BANK1: variants seen among roughly 807,000 people sequenced by gnomAD.
BANK1 encodes the protein B cell scaffold protein with ankyrin repeats 1.
In BANK1, 95 loss-of-function variants were observed where a neutral mutation model predicts 94.5. The observed-to-expected ratio is 1.00, with a 90% CI of 0.85 to 1.19. The LOEUF (loss-of-function observed/expected upper bound fraction) is 1.19, where lower values mean the gene tolerates loss of function less well. Ranked by LOEUF, BANK1 falls within the 50% of genes most tolerant of loss-of-function variation. The pLI, the probability that BANK1 is intolerant of heterozygous loss-of-function variation, is 0.00. For missense variants in BANK1, 987 were observed against 932.2 expected (o/e 1.06, Z -0.77); for synonymous variants, 334 against 308.4 (o/e 1.08, Z -0.87).
At chr4:101,927,671 GA>G in intron 7 of BANK1, among the ~76,000 whole-genome samples, 1 of 151,676 alleles carries the variant, frequency 6.6e-6, no homozygotes, top group Non-Finnish European at 1.5e-5. Context: ...GAATATAAAA[GA>G]AAGTGTGTAG....
chr4:101,852,447 A>C (rs1727513770), intron 2 of BANK1, among the ~76,000 whole-genome samples: 1 of 142,032 alleles, frequency 7.0e-6, no homozygotes, highest in Non-Finnish European at 1.5e-5. Flanking sequence ...ACAAGCCAGA[A>C]AGAACCACTC....
At chr4:101,998,815 T>A (rs1725965845) in intron 7 of BANK1, among the ~76,000 whole-genome samples, 2 of 152,188 alleles carry the variant, frequency 1.3e-5, no homozygotes, top group African/African-American at 4.8e-5. Flanking sequence ...GCTTTCACAA[T>A]GGTAAATAAA....
chr4:101,908,558 T>G (rs1055584616), intron 6 of BANK1, among the ~76,000 whole-genome samples: 1 of 151,876 alleles, frequency 6.6e-6, no homozygotes, highest in African/African-American at 2.4e-5. Context: ...TGACAAATGG[T>G]ATCTAATTAA....
intron 4 of BANK1, among the ~76,000 whole-genome samples, chr4:101,863,336 T>C (rs1274862580): frequency 6.6e-6 from 1 of 152,048 alleles, no homozygotes; most frequent in Non-Finnish European, 1.5e-5. Flanking sequence ...GTAAAACTGC[T>C]TGGTTTTTAC....
At chr4:102,002,884 C>T (rs1398188921) in intron 7 of BANK1, among the ~76,000 whole-genome samples, 1 of 152,186 alleles carries the variant, frequency 6.6e-6, no homozygotes, top group Non-Finnish European at 1.5e-5. Context: ...AAGTGATTCT[C>T]ATGTCCAGCT....
chr4:101,841,270 C>T (rs1261272245), intron 2 of BANK1, among the ~76,000 whole-genome samples: 1 of 152,064 alleles, frequency 6.6e-6, no homozygotes, highest in East Asian at 1.9e-4. Flanking sequence ...TACCCAGAGG[C>T]AGTCACTGTT....
At chr4:101,949,524 A>T (rs1724059223) in intron 7 of BANK1, among the ~76,000 whole-genome samples, 1 of 152,132 alleles carries the variant, frequency 6.6e-6, no homozygotes. Context: ...GGGCGCACTT[A>T]ATGAAATATT....
At chr4:101,820,594 T>C (rs1011298894) in intron 1 of BANK1, among the ~76,000 whole-genome samples, 7 of 152,160 alleles carry the variant, frequency 4.6e-5, no homozygotes, top group Non-Finnish European at 8.8e-5. Context: ...CAGTACCCAA[T>C]AGTTATCTTT....
At chr4:101,901,445 T>G (rs549108909) in intron 6 of BANK1, among the ~76,000 whole-genome samples, 4 of 152,326 alleles carry the variant, frequency 2.6e-5, no homozygotes, top group South Asian at 4.1e-4. Context: ...GTAGTGAACC[T>G]CAGTTTCATT....
At chr4:101,985,637 G>A (rs1426849608) in intron 7 of BANK1, among the ~76,000 whole-genome samples, 1 of 151,640 alleles carries the variant, frequency 6.6e-6, no homozygotes, top group African/African-American at 2.4e-5. Context: ...TTATACCTTG[G>A]AAACATTTTT....
Position 101,841,594 on chromosome 4 carries a change from A to G in BANK1, c.469+11388A>G, listed in dbSNP as rs1322770400. On this transcript the variant is annotated intron_variant, in intron 2 of 16. Coordinates refer to ENST00000322953, the MANE Select transcript of BANK1 (RefSeq NM_017935.5). Reference sequence around the variant, plus strand: ...ATGAATAATTCAAAATAATGAAAGCATAGATTCTAATGGTAATAATCTTTT... The same window carrying G: ...ATGAATAATTCAAAATAATGAAAGCGTAGATTCTAATGGTAATAATCTTTT... 3.3e-5 allele frequency among the ~76,000 whole-genome samples: 5 copies of G among 149,952 alleles called. No individual in the cohort carries two copies. The Admixed American group carries it at 3.4e-4, about 10-fold the overall frequency.
chr4:101,978,418 A>G (rs1725209102), intron 7 of BANK1, among the ~76,000 whole-genome samples: 1 of 152,100 alleles, frequency 6.6e-6, no homozygotes. Flanking sequence ...TTGCAATAAT[A>G]TATATGATGT....
chr4:102,032,748 G>T (rs760155102), intron 10 of BANK1, among the ~76,000 whole-genome samples: 3 of 152,008 alleles, frequency 2.0e-5, no homozygotes, highest in Non-Finnish European at 4.4e-5. Flanking sequence ...ACCCAGGCAT[G>T]GTGGCAGGTA....
intron 7 of BANK1, among the ~76,000 whole-genome samples, chr4:102,020,539 A>G (rs1726861506): frequency 1.3e-5 from 2 of 152,128 alleles, no homozygotes; most frequent in South Asian, 4.1e-4. Flanking sequence ...AAAAAAATTA[A>G]TGAGTTCCAT....
intron 1 of BANK1, among the ~76,000 whole-genome samples, chr4:101,802,713 C>T (rs1260742497): frequency 6.6e-6 from 1 of 152,062 alleles, no homozygotes; most frequent in Non-Finnish European, 1.5e-5. Context: ...CCTCTCTATA[C>T]CTCACGTTTT....
At chr4:101,854,577 T>G (rs1213801600) in intron 2 of BANK1, among the ~76,000 whole-genome samples, 3 of 152,270 alleles carry the variant, frequency 2.0e-5, no homozygotes, top group East Asian at 3.9e-4. Flanking sequence ...GTCTAATTTA[T>G]TTAGTGATTG....
At position 101,893,300 on chromosome 4, in the gene BANK1, G is replaced by A. The variant is rs191230412; in HGVS notation, c.904-2005G>A. ...TTTGAATTCTCATCTGTGTTTTAGA[G>A]TCTCAGATCTGGAAGGAATCCCAGA... On this transcript the variant is annotated intron_variant, in intron 5 of 16. Transcript: ENST00000322953. Among the ~76,000 whole-genome samples the A allele has an allele frequency of 6.1e-3, 921 of 152,036 alleles. 2 individuals carry two copies. The highest frequency in any genetic ancestry group is 8.7e-3 in the Non-Finnish European group (589 of 67,894).
chr4:101,859,244 G>A (rs959939486), intron 3 of BANK1, among the ~76,000 whole-genome samples: 1 of 152,178 alleles, frequency 6.6e-6, no homozygotes, highest in Admixed American at 6.5e-5. Flanking sequence ...CCTTCTCAGA[G>A]GTGAAGTTTT....
chr4:101,867,452 A>G (rs1312024714), intron 4 of BANK1, among the ~76,000 whole-genome samples: 1 of 148,536 alleles, frequency 6.7e-6, no homozygotes, highest in African/African-American at 2.5e-5. Context: ...TAGGTCAGAA[A>G]CTTAGATCTA....
Sources: gnomAD v4.1 joint callset for allele counts (sites outside exome capture counted in the v4.1 genomes callset) on GRCh38, gnomAD v4.1.1 for gene constraint, MANE v1.5 for transcripts, NCBI Gene and HGNC (gene_info 2026-07-23, HGNC 2026-07-21) for gene names.